SYNE1: variants seen among roughly 807,000 people sequenced by gnomAD.
SYNE1 encodes the protein spectrin repeat containing nuclear envelope protein 1, also known as nesprin-1.
A neutral mutation model predicts 1,111.0 loss-of-function variants in SYNE1; 616 were observed. The observed-to-expected ratio is 0.55, with a 90% CI of 0.52 to 0.59. SYNE1 has a LOEUF of 0.59. Ranked by LOEUF, SYNE1 falls within the 20% of genes least tolerant of loss-of-function variation. SYNE1 has a pLI of 0.00. For missense variants in SYNE1, 10,006 were observed against 10,417.0 expected, an observed-to-expected ratio of 0.96 and a Z score of 1.72; for synonymous variants, 3,855 against 3,825.8, an observed-to-expected ratio of 1.01 and a Z score of -0.28.
chr6:152,521,539 T>G (rs905081184), intron 5 of SYNE1, among the ~76,000 whole-genome samples: 1 of 152,210 alleles, frequency 6.6e-6, no homozygotes, highest in African/African-American at 2.4e-5. Context: ...AAACATACTT[T>G]TTTCAATTGA....
intron 14 of SYNE1, among the ~76,000 whole-genome samples, chr6:152,476,528 A>G (rs2098835846): frequency 6.6e-6 from 1 of 152,026 alleles, no homozygotes; most frequent in African/African-American, 2.4e-5. Context: ...TTCCTAACCC[A>G]GTCTATTCTC....
chr6:152,327,667 C>A (rs1000920339), intron 78 of SYNE1, among the ~76,000 whole-genome samples: 4 of 152,164 alleles, frequency 2.6e-5, no homozygotes, highest in African/African-American at 7.2e-5. Flanking sequence ...GGAACCATGA[C>A]CTTTAGTTAT....
intron 93 of SYNE1, among the ~76,000 whole-genome samples, chr6:152,295,635 C>T (rs939013535): frequency 2.0e-5 from 3 of 152,026 alleles, no homozygotes; most frequent in African/African-American, 2.4e-5. Context: ...CACACACATA[C>T]ACACACAAAC....
intron 4 of SYNE1, among the ~76,000 whole-genome samples, chr6:152,539,246 C>T (rs1361435331): frequency 6.6e-6 from 1 of 152,170 alleles, no homozygotes. Flanking sequence ...AAATTATCAG[C>T]AAATCCTCTA....
At chr6:152,405,639 A>C (rs1056051960) in intron 45 of SYNE1, among the ~76,000 whole-genome samples, 2 of 152,224 alleles carry the variant, frequency 1.3e-5, no homozygotes, top group Non-Finnish European at 2.9e-5. Flanking sequence ...AAAATTCCTG[A>C]ACATTTAACA....
chr6:152,188,957 C>CAAAAAAA (rs1159424311), intron 128 of SYNE1, among the ~76,000 whole-genome samples: 2 of 49,086 alleles, frequency 4.1e-5, no homozygotes, highest in African/African-American at 1.6e-4. Flanking sequence ...GACTCTGTCT[C>CAAAAAAA]AAAAAAAAAA....
rs11300425 is a variant in SYNE1 at position 152,404,557 on chromosome 6, GA to G, written c.6724-244del. On this transcript the variant is annotated intron_variant, in intron 45 of 145. Transcript: ENST00000367255. ...GTTTTTCTCCACTCCTTTGTATTAG[GA>G]AAAAAAAACCTCCTGGAAAAAAATT... 0.47 allele frequency among the ~76,000 whole-genome samples: 71,381 copies of G among 151,096 alleles called. 17,690 individuals carry two copies. The highest frequency in any genetic ancestry group is 0.75 in the East Asian group (3,866 of 5,124).
chr6:152,183,515 C>T (rs1017149534), intron 128 of SYNE1, among the ~76,000 whole-genome samples: 13 of 152,026 alleles, frequency 8.6e-5, no homozygotes, highest in South Asian at 2.1e-4. Context: ...GCAGGAGAAT[C>T]GCTTGAGCCC....
At chr6:152,291,388 G>A (rs996487076) in intron 95 of SYNE1, among the ~76,000 whole-genome samples, 34 of 151,692 alleles carry the variant, frequency 2.2e-4, no homozygotes, top group Middle Eastern at 3.4e-3. Context: ...TGGCTAGTAC[G>A]ACTACTACCA....
In SYNE1 at chr6:152,427,602, G is replaced by C. The variant is rs779232147; in HGVS notation, c.5100+91C>G. The C allele has an allele frequency of 7.5e-5, 110 of 1,468,440 alleles. No individual in the cohort carries two copies. The African/African-American group carries it at 1.4e-3, about 19-fold the overall frequency. 91.0% of individuals were successfully genotyped at this position (1,468,440 alleles called of 1,614,324 possible). The stretch of plus-strand genomic sequence containing the variant: ...ATCACAAAACCAAAGCAAGAAGGGA[G>C]GTACAAGTTTATTTATTTTATTATT... On this transcript the variant is annotated intron_variant, in intron 38 of 145. Coordinates refer to ENST00000367255, the MANE Select transcript of SYNE1 (RefSeq NM_182961.4).
At chr6:152,307,793 G>T (rs1357620656) in intron 91 of SYNE1, among the ~76,000 whole-genome samples, 1 of 152,154 alleles carries the variant, frequency 6.6e-6, no homozygotes, top group Non-Finnish European at 1.5e-5. Context: ...GAACTGAAAT[G>T]ACTAATATGT....
rs199945119 is a variant in SYNE1, at chr6:152,450,605, G to A, written c.3395+20C>T. On this transcript the variant is annotated intron_variant, in intron 27 of 145. Transcript: ENST00000367255. ...ATTAAGTTTGACTACACCCCTCTCT[G>A]GAGGCCATTCTGAGGCTACCTGCTA... The A allele has an allele frequency of 1.2e-6, 2 of 1,606,550 alleles. No homozygotes were observed. Among genetic ancestry groups the A allele is most frequent in the Non-Finnish European group, 1.7e-6 (2 of 1,173,350 alleles).
chr6:152,162,864 A>G (rs1293991380), intron 131 of SYNE1, among the ~76,000 whole-genome samples: 1 of 152,196 alleles, frequency 6.6e-6, no homozygotes, highest in East Asian at 1.9e-4. Flanking sequence ...CATATGTACA[A>G]TTACTATATA....
At position 152,353,320 on chromosome 6, in the gene SYNE1, A is replaced by G. The variant is rs138528119; in HGVS notation, c.11196T>C (p.Ala3732=). The G allele has an allele frequency of 6.3e-4, 1,016 of 1,614,208 alleles. 8 individuals carry two copies. In the East Asian group the frequency reaches 0.015, roughly 23 times the overall value. The part of the protein sequence containing the change: ...GSTHKNFKNV[A]TKIDKVDTVM... ...CTGTATCTACTTTGTCAATCTTGGT[A>G]GCCACATTCTTGAAGTTTTTATGAG... Residue 3732 remains alanine (A), a synonymous_variant, in exon 69 of 146, where the codon GCT becomes GCC. Coordinates refer to ENST00000367255, the MANE Select transcript of SYNE1 (RefSeq NM_182961.4).
intron 96 of SYNE1, 89 bp from the exon 97 acceptor site, chr6:152,282,069 C>A (rs1011971124): frequency 2.2e-5 from 31 of 1,379,406 alleles, no homozygotes; most frequent in Non-Finnish European, 2.7e-5. Context: ...CAGGCCCTGG[C>A]TGTACATAAG....
At chr6:152,627,101 T>C (rs1214188046) in intron 3 of SYNE1, among the ~76,000 whole-genome samples, 5 of 152,186 alleles carry the variant, frequency 3.3e-5, no homozygotes, top group South Asian at 2.1e-4. Flanking sequence ...CTCTTCTAAA[T>C]TGGGGTATTT....
At chr6:152,399,982 G>C (rs2097787910) in intron 47 of SYNE1, among the ~76,000 whole-genome samples, 159 bp from the exon 48 acceptor site, 1 of 152,072 alleles carries the variant, frequency 6.6e-6, no homozygotes, top group African/African-American at 2.4e-5. Flanking sequence ...TACTAGATCT[G>C]TACTGATTCT....
At chr6:152,365,298 AG>A (rs899239250) in intron 62 of SYNE1, among the ~76,000 whole-genome samples, 2 of 152,224 alleles carry the variant, frequency 1.3e-5, no homozygotes, top group Non-Finnish European at 2.9e-5. Context: ...GGTTTTAACA[AG>A]GGAAAAATAT....
intron 3 of SYNE1, among the ~76,000 whole-genome samples, chr6:152,609,376 A>T (rs2099625015): frequency 6.6e-6 from 1 of 152,138 alleles, no homozygotes; most frequent in Non-Finnish European, 1.5e-5. Flanking sequence ...CTGCTAGTGC[A>T]CCAGTCTGAG....
Sources: allele counts gnomAD v4.1 joint callset (sites outside exome capture counted in the v4.1 genomes callset), GRCh38; gene constraint gnomAD v4.1.1; transcripts MANE v1.5; gene names NCBI Gene and HGNC (gene_info 2026-07-23, HGNC 2026-07-21).